The following LCLAT1 variants were observed in gnomAD, a reference collection of about 807,000 sequenced individuals.
The protein encoded by LCLAT1 is lysocardiolipin acyltransferase 1.
LCLAT1 carries 11 observed loss-of-function variants against 30.7 expected under a neutral mutation model. That is an observed-to-expected ratio of 0.36 (90% CI 0.23 to 0.59). LCLAT1 has a LOEUF of 0.59. Among genes scored for constraint, LCLAT1 ranks in the 20% least tolerant of loss-of-function variants. The pLI is 0.77. For missense variants in LCLAT1, 402 were observed against 458.6 expected, an observed-to-expected ratio of 0.88 and a Z score of 1.13; for synonymous variants, 155 against 151.3, an observed-to-expected ratio of 1.02 and a Z score of -0.18.
At chr2:30,475,069 C>T (rs904756392) in intron 1 of LCLAT1, among the ~76,000 whole-genome samples, 2 of 152,048 alleles carry the variant, frequency 1.3e-5, no homozygotes, top group Admixed American at 6.6e-5. Context: ...ACAATCATAG[C>T]TCATTGTATC....
intron 3 of LCLAT1, among the ~76,000 whole-genome samples, chr2:30,559,202 T>A (rs552023909): frequency 1.3e-5 from 2 of 152,346 alleles, no homozygotes; most frequent in Non-Finnish European, 2.9e-5. Flanking sequence ...TGACTGGAAA[T>A]AGGACACATG....
intron 5 of LCLAT1, among the ~76,000 whole-genome samples, chr2:30,628,519 A>G (rs1034505517): frequency 6.6e-6 from 1 of 152,244 alleles, no homozygotes; most frequent in African/African-American, 2.4e-5. Flanking sequence ...CACTTGCTTT[A>G]CCAGATATTG....
At chr2:30,521,421 A>G (rs578216073) in intron 1 of LCLAT1, among the ~76,000 whole-genome samples, 3 of 148,676 alleles carry the variant, frequency 2.0e-5, no homozygotes, top group East Asian at 2.0e-4. Flanking sequence ...GGTCTGGATC[A>G]GGACAGCTTT....
At chr2:30,519,074 T>G (rs1685340655) in intron 1 of LCLAT1, among the ~76,000 whole-genome samples, 1 of 152,224 alleles carries the variant, frequency 6.6e-6, no homozygotes, top group Admixed American at 6.5e-5. Context: ...GGTTAAATAC[T>G]TAGGGCTAAA....
intron 1 of LCLAT1, among the ~76,000 whole-genome samples, chr2:30,448,415 A>T (rs1681374294): frequency 6.6e-6 from 1 of 152,218 alleles, no homozygotes; most frequent in Non-Finnish European, 1.5e-5. Context: ...TTTCTGTTGC[A>T]CATTGTACTT....
chr2:30,638,090 A>G (rs1249065674), intron 5 of LCLAT1, among the ~76,000 whole-genome samples: 1 of 152,212 alleles, frequency 6.6e-6, no homozygotes, highest in Non-Finnish European at 1.5e-5. Context: ...TTAAGTGCTG[A>G]TTATTTTGTA....
At chr2:30,622,680 G>A (rs1171720633) in intron 5 of LCLAT1, among the ~76,000 whole-genome samples, 1 of 152,156 alleles carries the variant, frequency 6.6e-6, no homozygotes, top group African/African-American at 2.4e-5. Flanking sequence ...AGCTCCGCTG[G>A]TTGGCTAGAC....
At chr2:30,614,474 G>A (rs891102888) in intron 5 of LCLAT1, among the ~76,000 whole-genome samples, 1 of 152,070 alleles carries the variant, frequency 6.6e-6, no homozygotes, top group African/African-American at 2.4e-5. Context: ...GGTCGGGTGT[G>A]GAGTATAAGA....
intron 3 of LCLAT1, among the ~76,000 whole-genome samples, chr2:30,543,043 C>T (rs1433363180): frequency 6.6e-6 from 1 of 150,528 alleles, no homozygotes; most frequent in East Asian, 1.9e-4. Flanking sequence ...TTGCCGTGTC[C>T]CTGATGTTAG....
chr2:30,619,653 G>A (rs1463015781), intron 5 of LCLAT1, among the ~76,000 whole-genome samples: 1 of 152,184 alleles, frequency 6.6e-6, no homozygotes, highest in African/African-American at 2.4e-5. Context: ...CCCAGCCCAG[G>A]TAAATAACTT....
intron 1 of LCLAT1, among the ~76,000 whole-genome samples, chr2:30,487,813 C>T (rs1683636861): frequency 6.6e-6 from 1 of 151,944 alleles, no homozygotes; most frequent in African/African-American, 2.4e-5. Context: ...TTACCTGATG[C>T]TGGTGTTATA....
chr2:30,534,445 T>C (rs1487039912), intron 3 of LCLAT1, among the ~76,000 whole-genome samples: 1 of 152,042 alleles, frequency 6.6e-6, no homozygotes, highest in Non-Finnish European at 1.5e-5. Context: ...GCCTGGCTAA[T>C]TTTTTGGTAT....
chr2:30,638,906 C>T (rs775042590), intron 5 of LCLAT1, among the ~76,000 whole-genome samples: 3 of 119,350 alleles, frequency 2.5e-5, no homozygotes, highest in East Asian at 1.9e-4. Flanking sequence ...TTGGCCCCTA[C>T]GTCCTCTCCA....
chr2:30,538,530 G>T (rs530610236), intron 3 of LCLAT1, among the ~76,000 whole-genome samples: 187 of 152,138 alleles, frequency 1.2e-3, no homozygotes, highest in Non-Finnish European at 2.3e-3. Context: ...AGCTCCTTGG[G>T]AGGCTGAGGC....
intron 1 of LCLAT1, among the ~76,000 whole-genome samples, chr2:30,520,360 A>G (rs1685418741): frequency 6.6e-6 from 1 of 152,216 alleles, no homozygotes; most frequent in Non-Finnish European, 1.5e-5. Flanking sequence ...TTTAGTTTAT[A>G]ATTGTAACAT....
At chr2:30,474,490 C>T (rs982349838) in intron 1 of LCLAT1, among the ~76,000 whole-genome samples, 10 of 152,166 alleles carry the variant, frequency 6.6e-5, no homozygotes, top group Admixed American at 6.5e-4. Flanking sequence ...CTCCTTGATC[C>T]TCTTGCCTTA....
intron 1 of LCLAT1, among the ~76,000 whole-genome samples, chr2:30,462,056 G>A (rs1236020041): frequency 3.9e-5 from 6 of 152,082 alleles, no homozygotes; most frequent in Non-Finnish European, 5.9e-5. Context: ...ACAGGCGTGA[G>A]CCACCGCGCC....
chr2:30,552,360 A>G (rs1308329411), intron 3 of LCLAT1: 3 of 304,834 alleles, frequency 9.8e-6, no homozygotes, highest in South Asian at 2.7e-5. Flanking sequence ...TTGTAGTACA[A>G]GTGGTTTCTC....
chr2:30,556,820 A>C (rs1031061305), intron 3 of LCLAT1, among the ~76,000 whole-genome samples: 1 of 144,578 alleles, frequency 6.9e-6, no homozygotes, highest in Non-Finnish European at 1.5e-5. Flanking sequence ...ATCTCGGCGC[A>C]CTGCAACCTC....
Sources: gnomAD v4.1 joint callset for allele counts (sites outside exome capture counted in the v4.1 genomes callset) on GRCh38, gnomAD v4.1.1 for gene constraint, MANE v1.5 for transcripts, NCBI Gene and HGNC (gene_info 2026-07-23, HGNC 2026-07-21) for gene names.